Variants in EIF3M observed in about 807,000 individuals in gnomAD.
EIF3M encodes the protein B5 receptor.
In EIF3M, 25 loss-of-function variants were observed where a neutral mutation model predicts 49.7. The observed-to-expected ratio is 0.50, with a 90% CI of 0.37 to 0.70. The LOEUF (loss-of-function observed/expected upper bound fraction) is 0.70, where lower values mean the gene tolerates loss of function less well. EIF3M is among the 30% of genes least tolerant of loss of function. The pLI is 0.00. For missense variants in EIF3M, 350 were observed against 440.0 expected (o/e 0.80, Z 1.83); for synonymous variants, 156 against 149.8 (o/e 1.04, Z -0.30).
chr11:32,601,938 T>A, intron 10 of EIF3M, 116 bp downstream of exon 10: 7 of 1,068,398 alleles, frequency 6.6e-6, no homozygotes, highest in Non-Finnish European at 9.6e-6. Flanking sequence ...GTTAAATAGT[T>A]GCTATTTATC....
chr11:32,600,205 G>A (rs377521243), intron 8 of EIF3M, among the ~76,000 whole-genome samples: 1 of 151,818 alleles, frequency 6.6e-6, no homozygotes, highest in East Asian at 1.9e-4. Context: ...GTTTGTGAAA[G>A]TATTTTAAAA....
intron 1 of EIF3M, 193 bp from the exon 2 acceptor site, chr11:32,586,819 T>C: frequency 1.7e-6 from 1 of 572,620 alleles, no homozygotes; most frequent in East Asian, 3.2e-5. Context: ...AAGGAGCCAC[T>C]GGACCTCATG....
intron 8 of EIF3M, among the ~76,000 whole-genome samples, chr11:32,599,320 C>T (rs1386195215): frequency 1.3e-5 from 2 of 151,928 alleles, no homozygotes; most frequent in Non-Finnish European, 2.9e-5. Context: ...CTGTAGATTT[C>T]CATTAAACCC....
intron 3 of EIF3M, 67 bp from the exon 4 acceptor site, chr11:32,588,945 G>T: frequency 6.3e-7 from 1 of 1,589,216 alleles, no homozygotes; most frequent in Non-Finnish European, 8.6e-7. Flanking sequence ...TTTGTGGTGA[G>T]AGCTAACCTC....
In EIF3M at chr11:32,603,527, A is replaced by T. The variant is rs1855304753; in HGVS notation, c.*1128A>T. On this transcript the variant is annotated 3_prime_UTR_variant, in exon 11 of 11. Coordinates refer to ENST00000531120, the MANE Select transcript of EIF3M (RefSeq NM_006360.6). Reference sequence around the variant, plus strand: ...TGACATTTTGGTATTATTTGCTGCTAGCGTTTTTTTCTATTTTTAGCCTAT... The same window carrying T: ...TGACATTTTGGTATTATTTGCTGCTTGCGTTTTTTTCTATTTTTAGCCTAT... 1 of 152,292 alleles carries T rather than the reference A, an allele frequency of 6.6e-6. No homozygotes were observed. Among genetic ancestry groups the T allele is most frequent in the Non-Finnish European group, 1.5e-5 (1 of 68,132 alleles). 9.4% of individuals were successfully genotyped at this position (152,292 alleles called of 1,614,324 possible). A position where few individuals can be genotyped will look rare whatever the true frequency, so the allele number is the denominator to read the frequency against.
chr11:32,592,465 C>G, intron 5 of EIF3M: 1 of 528,186 alleles, frequency 1.9e-6, no homozygotes, highest in Non-Finnish European at 3.7e-6. Flanking sequence ...AAATTTTCTT[C>G]ACTGTTGGAT....
intron 4 of EIF3M, 25 bp downstream of exon 4, chr11:32,589,160 T>A (rs1009221019): frequency 1.2e-6 from 2 of 1,605,080 alleles, no homozygotes; most frequent in Non-Finnish European, 1.7e-6. Context: ...GGAATAGTTG[T>A]TCTGCTTATA....
rs540183710 is a variant in EIF3M, at chr11:32,587,421, T to C, written c.175+277T>C. On this transcript the variant is annotated intron_variant, in intron 2 of 10. Transcript: ENST00000531120. Reference sequence around the variant, plus strand: ...TAATTGGAATATCACACATCTTTTCTTTATGTTGGAAACATTCAACAGTTC... The same window carrying C: ...TAATTGGAATATCACACATCTTTTCCTTATGTTGGAAACATTCAACAGTTC... 1.1e-4 allele frequency among the ~76,000 whole-genome samples: 16 copies of C among 152,360 alleles called. No homozygotes were observed. The South Asian group carries it at 3.1e-3, about 30-fold the overall frequency.
chr11:32,596,196 G>T, intron 8 of EIF3M, 149 bp downstream of exon 8: 1 of 541,624 alleles, frequency 1.8e-6, no homozygotes, highest in Non-Finnish European at 3.2e-6. Context: ...CACAAAAATA[G>T]GTAGACAGTT....
At position 32,583,920 on chromosome 11, in the gene EIF3M, AG is replaced by A; in HGVS notation, c.34del (p.Glu12LysfsTer11). ...TCCCGGCCTTCATCGACATCAGTGA[AG>A]AAGATCAGGTGTGCTTCGGTCTACG... ...SVPAFIDISE[E>X]DQAAELRAYL... is the part of the protein sequence containing the mutation. On this transcript the variant is annotated frameshift_variant, in exon 1 of 11. Coordinates refer to ENST00000531120, the MANE Select transcript of EIF3M (RefSeq NM_006360.6). LOFTEE classifies it high-confidence loss of function. 6.2e-7 allele frequency: 1 copy of A among 1,613,880 alleles called. No individual in the cohort carries two copies.
intron 1 of EIF3M, among the ~76,000 whole-genome samples, chr11:32,585,445 T>G (rs1268967362): frequency 6.6e-6 from 1 of 152,198 alleles, no homozygotes; most frequent in African/African-American, 2.4e-5. Flanking sequence ...TTGCTCAGGA[T>G]TAGTTTAACT....
rs1274599200 is a variant in EIF3M, at chr11:32,600,738, G to A, written c.849G>A (p.Met283Ile). The change falls in exon 9 of 11, where the codon ATG becomes ATA. Residue 283 changes from methionine to isoleucine, a missense_variant. Transcript: ENST00000531120. ...CAAAAATGAGACTACTTACTTTTATGGGAATGGCAGTAGAAAATAAGGAAA... is the reference window on the plus strand; with the variant it reads ...CAAAAATGAGACTACTTACTTTTATAGGAATGGCAGTAGAAAATAAGGAAA... ...NMAKMRLLTF[M>I]GMAVENKEIS... is the part of the protein sequence containing the mutation. The A allele has an allele frequency of 6.2e-7, 1 of 1,611,614 alleles. No individual in the cohort carries two copies. Among genetic ancestry groups the A allele is most frequent in the African/African-American group, 1.3e-5 (1 of 74,810 alleles).
chr11:32,599,540 T>A (rs986329347), intron 8 of EIF3M, among the ~76,000 whole-genome samples: 1 of 151,964 alleles, frequency 6.6e-6, no homozygotes, highest in Non-Finnish European at 1.5e-5. Context: ...GAGTGAACTT[T>A]TTAAACAATA....
chr11:32,589,180 C>G, intron 4 of EIF3M, 45 bp downstream of exon 4: 1 of 1,309,072 alleles, frequency 7.6e-7, no homozygotes, highest in Non-Finnish European at 1.0e-6. Context: ...AAGAAATGTA[C>G]TTTTTTTTTT....
intron 9 of EIF3M, 62 bp from the exon 10 acceptor site, chr11:32,601,699 TA>T (rs1358604072): frequency 2.0e-6 from 3 of 1,483,762 alleles, no homozygotes; most frequent in East Asian, 4.6e-5. Flanking sequence ...ACAGTTTTCA[TA>T]CCTTAGCTAT....
intron 5 of EIF3M, among the ~76,000 whole-genome samples, chr11:32,590,645 A>G (rs1024377396): frequency 6.6e-6 from 1 of 152,124 alleles, no homozygotes; most frequent in Non-Finnish European, 1.5e-5. Context: ...CTGGAAGGGG[A>G]TACTTGTTTA....
intron 5 of EIF3M, among the ~76,000 whole-genome samples, chr11:32,589,860 C>CT (rs1449776935): frequency 1.3e-5 from 2 of 152,108 alleles, no homozygotes; most frequent in Non-Finnish European, 2.9e-5. Flanking sequence ...TGAAATTTGG[C>CT]TTTTTTTCTA....
At chr11:32,598,885 C>T (rs984717123) in intron 8 of EIF3M, among the ~76,000 whole-genome samples, 2 of 151,908 alleles carry the variant, frequency 1.3e-5, no homozygotes, top group African/African-American at 4.8e-5. Flanking sequence ...AGAAAAAATT[C>T]GTTAACATTG....
chr11:32,603,088 C>T lies in EIF3M; in HGVS notation c.*689C>T. The T allele has an allele frequency of 7.6e-7, 1 of 1,309,910 alleles. No individual in the cohort carries two copies. The highest frequency in any genetic ancestry group is 1.4e-5 in the South Asian group (1 of 71,748). 81.1% of individuals were successfully genotyped at this position (1,309,910 alleles called of 1,614,324 possible). On this transcript the variant is annotated 3_prime_UTR_variant, in exon 11 of 11. Coordinates refer to ENST00000531120, the MANE Select transcript of EIF3M (RefSeq NM_006360.6). ...AAAGATTTTAAAGAGTCTGTAAAGC[C>T]TCTGCAGTTATGAGTATGTGGTAAA...
Sources: gnomAD v4.1 joint callset for allele counts (sites outside exome capture counted in the v4.1 genomes callset) on GRCh38, gnomAD v4.1.1 for gene constraint, MANE v1.5 for transcripts, NCBI Gene and HGNC (gene_info 2026-07-23, HGNC 2026-07-21) for gene names.